Variants in IRAG1 observed in about 807,000 individuals in gnomAD.
IRAG1 encodes the protein inositol 1,4,5-triphosphate receptor associated 1, also known as IP3R-associated cGMP kinase substrate.
In IRAG1, 62 loss-of-function variants were observed where a neutral mutation model predicts 106.2. The ratio of observed to expected loss-of-function variants is 0.58; its 90% CI spans 0.48 to 0.72. The LOEUF (loss-of-function observed/expected upper bound fraction) is 0.72. Among genes scored for constraint, IRAG1 ranks in the 30% least tolerant of loss-of-function variants. The probability of loss-of-function intolerance (pLI) is 0.00; values close to 1 mark genes in which losing one functional copy is unlikely to be tolerated. For missense variants in IRAG1, 1,064 were observed against 1,140.7 expected (o/e 0.93, Z 0.97); for synonymous variants, 462 against 443.9 (o/e 1.04, Z -0.51).
At chr11:10,651,991 C>A in intron 2 of IRAG1, 34 bp downstream of exon 2, 1 of 1,527,208 alleles carries the variant, frequency 6.5e-7, no homozygotes. Context: ...TGGCCCCCAG[C>A]CAGGCTAGCT....
chr11:10,597,796 T>TTTAAG (rs1367047083), intron 15 of IRAG1, among the ~76,000 whole-genome samples: 2 of 152,228 alleles, frequency 1.3e-5, no homozygotes, highest in East Asian at 3.8e-4. Context: ...ATTTTATAAT[T>TTTAAG]TTAAGTTGTG....
At position 10,576,567 on chromosome 11, in the gene IRAG1, T is replaced by A. The variant is rs1850824497; in HGVS notation, c.2504A>T (p.Glu835Val). 1 of 1,613,896 alleles carries A rather than the reference T, an allele frequency of 6.2e-7. No individual in the cohort carries two copies. The highest frequency in any genetic ancestry group is 8.5e-7 in the Non-Finnish European group (1 of 1,179,886). Residue 835 changes from glutamate to valine, a missense_variant, in exon 21 of 21, where the codon GAA (glutamate) becomes GTA (valine). By Grantham distance (121) the Glu-to-Val change is moderately radical. Coordinates refer to ENST00000423302, the MANE Select transcript of IRAG1 (RefSeq NM_130385.4). Reference protein sequence around the residue: ...EEKGPRSSKLEELVHFLQVMY... With the variant: ...EEKGPRSSKLVELVHFLQVMY... ...GACTTGTAAGAAATGGACCAATTCT[T>A]CAAGTTTGCTGTCAATGAAAAAAAA...
At chr11:10,690,386 T>G (rs749124651) in intron 1 of IRAG1, 7 of 1,266,500 alleles carry the variant, frequency 5.5e-6, no homozygotes, top group South Asian at 3.8e-5. Context: ...AAAAAAAAAA[T>G]GTTTCCTGTC....
intron 1 of IRAG1, among the ~76,000 whole-genome samples, chr11:10,680,370 A>AG (rs1463204197): frequency 1.6e-5 from 1 of 64,100 alleles, no homozygotes; most frequent in Non-Finnish European, 3.0e-5. Context: ...AGAAAGAAAG[A>AG]AGGAAGGAAG....
At chr11:10,603,517 C>T (rs1474128568) in intron 13 of IRAG1, among the ~76,000 whole-genome samples, 5 of 152,212 alleles carry the variant, frequency 3.3e-5, no homozygotes, top group South Asian at 4.1e-4. Context: ...ATCTGACAGG[C>T]GGCGGAGCTC....
At chr11:10,584,073 C>T (rs1851673225) in intron 18 of IRAG1, among the ~76,000 whole-genome samples, 1 of 152,120 alleles carries the variant, frequency 6.6e-6, no homozygotes, top group Admixed American at 6.5e-5. Flanking sequence ...AGGAAGTATC[C>T]AGATGGCTAT....
chr11:10,632,158 C>A, intron 3 of IRAG1, 97 bp from the exon 4 acceptor site: 1 of 797,996 alleles, frequency 1.3e-6, no homozygotes, highest in Non-Finnish European at 2.0e-6. Flanking sequence ...TTCTTTCTTT[C>A]TTTCTTTGTT....
At chr11:10,606,820 A>G in intron 11 of IRAG1, 48 bp from the exon 12 acceptor site, 1 of 1,535,294 alleles carries the variant, frequency 6.5e-7, no homozygotes, top group Non-Finnish European at 8.8e-7. Flanking sequence ...CCTAGTCAAT[A>G]GACCCAAAGG....
intron 18 of IRAG1, among the ~76,000 whole-genome samples, chr11:10,582,881 G>A (rs980040068): frequency 1.3e-5 from 2 of 152,200 alleles, no homozygotes; most frequent in African/African-American, 4.8e-5. Context: ...GCTTGAGCCT[G>A]GAGGCAGAGG....
At position 10,629,688 on chromosome 11, in the gene IRAG1, G is replaced by C. The variant is rs760917376; in HGVS notation, c.424C>G (p.Leu142Val). The C allele has an allele frequency of 6.2e-7, 1 of 1,613,704 alleles. No homozygotes were observed. Among genetic ancestry groups the C allele is most frequent in the African/African-American group, 1.3e-5 (1 of 74,924 alleles). Residue 142 changes from leucine (L) to valine (V), a missense_variant, in exon 5 of 21, where the codon CTG (leucine) becomes GTG (valine). Transcript: ENST00000423302. ...ATGTCTGGCAGCTGGTCATTCACCA[G>C]GTCAATGATGTGCCCCGCGGGGTCT... ...SVDPAGHIID[L>V]VNDQLPDISI...
At chr11:10,683,886 TAAA>T (rs34835579) in intron 1 of IRAG1, among the ~76,000 whole-genome samples, 42,928 of 147,378 alleles carry the variant, frequency 0.29, 6,320 homozygotes, top group Middle Eastern at 0.35. Flanking sequence ...GTTGACACTT[TAAA>T]AAAAAAAAAA....
In IRAG1 at chr11:10,629,605, C is replaced by G. The variant is rs371877131; in HGVS notation, c.507G>C (p.Leu169Phe). The G allele has an allele frequency of 1.3e-4, 210 of 1,613,940 alleles. 1 individual carries two copies. Among genetic ancestry groups the G allele is most frequent in the Non-Finnish European group, 1.6e-4 (193 of 1,179,908 alleles). Residue 169 changes from leucine to phenylalanine, a missense_variant, in exon 5 of 21, where the codon TTG becomes TTC. Leu to Phe is a conservative substitution (Grantham distance 22). Transcript: ENST00000423302. Reference sequence around the variant, plus strand: ...GGCGGGTCAGGAATCGCTCACTCACCAACTTGGCTTCTTCCAGCAGCGCCA... The same window carrying G: ...GGCGGGTCAGGAATCGCTCACTCACGAACTTGGCTTCTTCCAGCAGCGCCA... ...KNLALLEEAK[L>F]VSERFLTRRG...
chr11:10,629,041 T>A (rs1249871198), intron 5 of IRAG1, among the ~76,000 whole-genome samples: 3 of 151,686 alleles, frequency 2.0e-5, no homozygotes, highest in Non-Finnish European at 4.4e-5. Context: ...CATTTGGGGG[T>A]TCGAGGATAG....
intron 20 of IRAG1, among the ~76,000 whole-genome samples, chr11:10,576,974 T>A (rs1187787834): frequency 6.6e-6 from 1 of 152,244 alleles, no homozygotes; most frequent in Non-Finnish European, 1.5e-5. Flanking sequence ...CATGCATCTT[T>A]TTAGCACCTA....
intron 16 of IRAG1, 105 bp downstream of exon 16, chr11:10,594,041 A>T: frequency 9.3e-7 from 1 of 1,071,726 alleles, no homozygotes; most frequent in Non-Finnish European, 1.4e-6. Flanking sequence ...CTGTTCAGAG[A>T]TTCTCTGGCA....
At chr11:10,607,880 C>T (rs1443926206) in intron 11 of IRAG1, among the ~76,000 whole-genome samples, 1 of 152,152 alleles carries the variant, frequency 6.6e-6, no homozygotes, top group African/African-American at 2.4e-5. Flanking sequence ...ATGTTTGACA[C>T]TTACAGTCCT....
At position 10,657,557 on chromosome 11, in the gene IRAG1, C is replaced by A. The variant is rs1217107313; in HGVS notation, c.68-5375G>T. On this transcript the variant is annotated intron_variant, in intron 1 of 20. Coordinates refer to ENST00000423302, the MANE Select transcript of IRAG1 (RefSeq NM_130385.4). This position sits in a 1 kb window ranked among gnomAD's most constrained non-coding sequence, Gnocchi z 4.1. Reference sequence around the variant, plus strand: ...AGAGCCAAGAAGCCCTTTCGGGAAACCATGGGTTAACCTAGCCTCCACTGA... The same window carrying A: ...AGAGCCAAGAAGCCCTTTCGGGAAAACATGGGTTAACCTAGCCTCCACTGA... Among the ~76,000 whole-genome samples, 1 of 152,326 alleles carries A rather than the reference C, an allele frequency of 6.6e-6. No individual in the cohort carries two copies. The highest frequency in any genetic ancestry group is 2.1e-4 in the South Asian group (1 of 4,828).
In IRAG1 at chr11:10,603,235, C is replaced by A; in HGVS notation, c.1760G>T (p.Trp587Leu). ...GGTTTCCCGGTGCTCACAGTGGTGC[C>A]AGAGTGAAGCTGAGGACTGAACAGG... ...KASITSSASL[W>L]HHCEHRETYQ... is the part of the protein sequence containing the mutation. The change falls in exon 14 of 21, where the codon TGG (tryptophan) becomes TTG (leucine). Residue 587 changes from tryptophan (W) to leucine (L), a missense_variant. Coordinates refer to ENST00000423302, the MANE Select transcript of IRAG1 (RefSeq NM_130385.4). 1 of 1,613,620 alleles carries A rather than the reference C, an allele frequency of 6.2e-7. No individual in the cohort carries two copies. The highest frequency in any genetic ancestry group is 8.5e-7 in the Non-Finnish European group (1 of 1,179,830).
intron 1 of IRAG1, among the ~76,000 whole-genome samples, chr11:10,686,466 A>G (rs1274511452): frequency 1.3e-5 from 2 of 152,224 alleles, no homozygotes; most frequent in Non-Finnish European, 2.9e-5. Flanking sequence ...CATAAACAAG[A>G]CTAGGAGACC....
Sources: allele counts gnomAD v4.1 joint callset (sites outside exome capture counted in the v4.1 genomes callset), GRCh38; gene constraint gnomAD v4.1.1; non-coding constraint Gnocchi (gnomAD v3.1); transcripts MANE v1.5; gene names NCBI Gene and HGNC (gene_info 2026-07-23, HGNC 2026-07-21).